ZNF385D: variants seen among roughly 807,000 people sequenced by gnomAD.
ZNF385D encodes the protein zinc finger protein 659.
A neutral mutation model predicts 35.8 loss-of-function variants in ZNF385D; 15 were observed. The observed-to-expected ratio is 0.42, with a 90% confidence interval of 0.28 to 0.64. ZNF385D has a LOEUF of 0.64. ZNF385D is among the 30% of genes least tolerant of loss of function. The pLI is 0.23. For synonymous variants in ZNF385D, 212 were observed against 186.8 expected, an observed-to-expected ratio of 1.13 and a Z score of -1.10; for missense variants, 474 against 494.6, an observed-to-expected ratio of 0.96 and a Z score of 0.39.
At chr3:21,441,483 T>G (rs908181572) in intron 4 of ZNF385D, among the ~76,000 whole-genome samples, 1 of 152,172 alleles carries the variant, frequency 6.6e-6, no homozygotes, top group Non-Finnish European at 1.5e-5. Context: ...AAAATTTAAT[T>G]TTTTATAAAA....
chr3:21,893,094 C>T (rs187653212), intron 3 of ZNF385D, among the ~76,000 whole-genome samples: 1 of 152,196 alleles, frequency 6.6e-6, no homozygotes, highest in East Asian at 1.9e-4. Flanking sequence ...CTGTAACACT[C>T]CCTGCATGAT....
At chr3:22,185,459 C>T (rs574651612) in intron 2 of ZNF385D, among the ~76,000 whole-genome samples, 1 of 152,062 alleles carries the variant, frequency 6.6e-6, no homozygotes, top group South Asian at 2.1e-4. Context: ...TATGATCTAC[C>T]CATTCAATGT....
At chr3:21,869,155 G>T (rs910793631) in intron 3 of ZNF385D, among the ~76,000 whole-genome samples, 1 of 152,040 alleles carries the variant, frequency 6.6e-6, no homozygotes, top group African/African-American at 2.4e-5. Flanking sequence ...TCATTAGCAC[G>T]TAGATTAAGC....
chr3:21,945,818 T>C (rs2125285769), intron 3 of ZNF385D, among the ~76,000 whole-genome samples: 1 of 151,126 alleles, frequency 6.6e-6, no homozygotes, highest in East Asian at 1.9e-4. Context: ...CATATGAAGC[T>C]GATGAACTCA....
intron 2 of ZNF385D, among the ~76,000 whole-genome samples, chr3:21,583,411 A>T (rs1029262106): frequency 6.6e-6 from 1 of 152,176 alleles, no homozygotes; most frequent in African/African-American, 2.4e-5. Flanking sequence ...TAGTTTTAAA[A>T]TTTTCTTATC....
intron 2 of ZNF385D, among the ~76,000 whole-genome samples, chr3:22,333,576 TTTTCA>T (rs1201498131): frequency 1.3e-5 from 2 of 152,084 alleles, no homozygotes; most frequent in African/African-American, 2.4e-5. Context: ...ATCCAGAGAG[TTTTCA>T]TTTATTTTTT....
chr3:21,900,067 A>C (rs574533302), intron 3 of ZNF385D, among the ~76,000 whole-genome samples: 1 of 152,332 alleles, frequency 6.6e-6, no homozygotes, highest in Admixed American at 6.5e-5. Context: ...TAAGAGTCTA[A>C]GTAGGTTATT....
chr3:21,875,361 G>A (rs1370498900), intron 3 of ZNF385D, among the ~76,000 whole-genome samples: 1 of 151,808 alleles, frequency 6.6e-6, no homozygotes, highest in Non-Finnish European at 1.5e-5. Context: ...GCCTCCATCA[G>A]TTCTTCTTTC....
intron 2 of ZNF385D, among the ~76,000 whole-genome samples, chr3:21,612,123 G>A (rs1042954271): frequency 6.6e-5 from 10 of 152,102 alleles, no homozygotes; most frequent in African/African-American, 2.4e-4. Context: ...CTGTAGCCCA[G>A]CCTGGAGTGC....
At chr3:22,049,458 A>G (rs2125524859) in intron 3 of ZNF385D, among the ~76,000 whole-genome samples, 1 of 152,178 alleles carries the variant, frequency 6.6e-6, no homozygotes, top group Admixed American at 6.5e-5. Flanking sequence ...AATGAATAGA[A>G]ACAAGTGTAC....
At chr3:22,348,485 TAAAAAAAAAAAAAAAAA>T (rs1168729541) in intron 2 of ZNF385D, among the ~76,000 whole-genome samples, 1 of 84,934 alleles carries the variant, frequency 1.2e-5, no homozygotes, top group East Asian at 3.4e-4. Context: ...CCATCTCTAC[TAAAAAAAAAAAAAAAAA>T]AAAAATACAA....
chr3:22,064,884 G>T (rs990003559), intron 3 of ZNF385D, among the ~76,000 whole-genome samples: 1 of 152,108 alleles, frequency 6.6e-6, no homozygotes, highest in African/African-American at 2.4e-5. Flanking sequence ...GGTGATTACA[G>T]TAAGTAACAA....
intron 6 of ZNF385D, 45 bp from the exon 7 acceptor site, chr3:21,424,109 C>T (rs756275333): frequency 1.3e-6 from 2 of 1,494,950 alleles, no homozygotes; most frequent in South Asian, 1.3e-5. Flanking sequence ...AAATCATCTG[C>T]AAAAACCTCT....
intron 3 of ZNF385D, among the ~76,000 whole-genome samples, chr3:21,864,230 A>T (rs1020511737): frequency 1.3e-5 from 2 of 152,152 alleles, no homozygotes; most frequent in Non-Finnish European, 2.9e-5. Flanking sequence ...AAGAAAAGGC[A>T]TGTGACATTT....
At chr3:22,185,402 A>G (rs1695561520) in intron 2 of ZNF385D, among the ~76,000 whole-genome samples, 1 of 152,202 alleles carries the variant, frequency 6.6e-6, no homozygotes, top group Non-Finnish European at 1.5e-5. Flanking sequence ...AAAACCATGG[A>G]CAGTGGCAAT....
chr3:21,812,751 T>C (rs893872563), intron 3 of ZNF385D, among the ~76,000 whole-genome samples: 1 of 152,206 alleles, frequency 6.6e-6, no homozygotes, highest in Admixed American at 6.5e-5. Context: ...CCTGCCTCTG[T>C]AGACTCCACC....
chr3:22,135,239 T>A (rs763768288), intron 3 of ZNF385D, among the ~76,000 whole-genome samples: 1 of 152,074 alleles, frequency 6.6e-6, no homozygotes, highest in Non-Finnish European at 1.5e-5. Flanking sequence ...GCAAAGAATG[T>A]ACAAGAAAGC....
At chr3:22,044,863 G>A (rs931000985) in intron 3 of ZNF385D, among the ~76,000 whole-genome samples, 5 of 152,006 alleles carry the variant, frequency 3.3e-5, no homozygotes, top group African/African-American at 1.2e-4. Flanking sequence ...CTCTTTGTGA[G>A]AAAAAGAGAT....
At chr3:21,986,135 T>C (rs1694790402) in intron 3 of ZNF385D, among the ~76,000 whole-genome samples, 1 of 82,876 alleles carries the variant, frequency 1.2e-5, no homozygotes, top group South Asian at 4.4e-4. Context: ...GATTCATTGA[T>C]TTTTTGAAGG....
Sources: allele counts gnomAD v4.1 joint callset (sites outside exome capture counted in the v4.1 genomes callset), GRCh38; gene constraint gnomAD v4.1.1; transcripts MANE v1.5; gene names NCBI Gene and HGNC (gene_info 2026-07-23, HGNC 2026-07-21).